RPSA2: variants seen among roughly 807,000 people sequenced by gnomAD.
The protein encoded by RPSA2 is ribosomal protein SA 2.
At chr19:23,787,946 G>A in the RPSA2 span, among the ~76,000 whole-genome samples, 4 of 152,134 alleles carry the variant, frequency 2.6e-5, no homozygotes, top group African/African-American at 9.7e-5. Flanking sequence ...CGTTTTGTCC[G>A]TAGGTTAGAT....
chr19:23,840,962 C>CA, the RPSA2 span, among the ~76,000 whole-genome samples: 180 of 117,696 alleles, frequency 1.5e-3, no homozygotes, highest in African/African-American at 5.7e-3. Flanking sequence ...AACTCCGTCT[C>CA]AAAAAAAAAA....
At chr19:23,858,233 C>T in the RPSA2 span, among the ~76,000 whole-genome samples, 1 of 128,172 alleles carries the variant, frequency 7.8e-6, no homozygotes, top group African/African-American at 3.1e-5. Flanking sequence ...AGCCAGCACA[C>T]CTGACCTGAA....
At chr19:23,855,350 G>C in the RPSA2 span, among the ~76,000 whole-genome samples, 1 of 152,168 alleles carries the variant, frequency 6.6e-6, no homozygotes, top group Non-Finnish European at 1.5e-5. Flanking sequence ...AATGACCTCA[G>C]TACAAAGAGT....
At chr19:23,766,596 A>G in the RPSA2 span, among the ~76,000 whole-genome samples, 31 of 150,982 alleles carry the variant, frequency 2.1e-4, no homozygotes, top group Non-Finnish European at 4.3e-4. Context: ...CTGGGACTAC[A>G]GGCGCCCACC....
At chr19:23,853,247 C>T in the RPSA2 span, among the ~76,000 whole-genome samples, 7 of 152,348 alleles carry the variant, frequency 4.6e-5, no homozygotes, top group East Asian at 1.2e-3. Context: ...CTATGAGAGG[C>T]CAATTCTTAG....
the RPSA2 span, among the ~76,000 whole-genome samples, chr19:23,779,342 C>T: frequency 6.6e-6 from 1 of 152,260 alleles, no homozygotes; most frequent in African/African-American, 2.4e-5. Flanking sequence ...TAAGACTCTT[C>T]TCCATTGCTT....
At chr19:23,763,420 A>T in the RPSA2 span, among the ~76,000 whole-genome samples, 4 of 152,180 alleles carry the variant, frequency 2.6e-5, no homozygotes, top group Non-Finnish European at 4.4e-5. Flanking sequence ...TAAGAGCAGA[A>T]TCCCGACCCG....
the RPSA2 span, among the ~76,000 whole-genome samples, chr19:23,866,765 G>T: frequency 8.5e-5 from 13 of 152,162 alleles, no homozygotes; most frequent in Non-Finnish European, 1.6e-4. Flanking sequence ...GGAAGTGCAG[G>T]ATTAGATATC....
chr19:23,827,650 C>A, the RPSA2 span: 3 of 1,595,766 alleles, frequency 1.9e-6, no homozygotes, highest in Middle Eastern at 1.8e-4. Flanking sequence ...CCATCCCATG[C>A]AACAACAAGG....
chr19:23,839,602 T>A, the RPSA2 span, among the ~76,000 whole-genome samples: 1 of 152,240 alleles, frequency 6.6e-6, no homozygotes, highest in East Asian at 1.9e-4. Flanking sequence ...GAGTCACGCC[T>A]TCCCTGAGTT....
the RPSA2 span, among the ~76,000 whole-genome samples, chr19:23,779,845 C>T: frequency 6.6e-6 from 1 of 152,198 alleles, no homozygotes; most frequent in Non-Finnish European, 1.5e-5. Flanking sequence ...TGATGTGTCT[C>T]TTCTGAATGT....
the RPSA2 span, among the ~76,000 whole-genome samples, chr19:23,800,027 C>CTTTTTTTTTT: frequency 9.0e-6 from 1 of 110,946 alleles, no homozygotes. Flanking sequence ...TTTTCTTTTT[C>CTTTTTTTTTT]TTTTTTTTTT....
At chr19:23,839,236 G>C in the RPSA2 span, among the ~76,000 whole-genome samples, 566 of 152,264 alleles carry the variant, frequency 3.7e-3, 4 homozygotes, top group African/African-American at 0.013. Context: ...CCATGTATTT[G>C]CATGGTTTTG....
the RPSA2 span, among the ~76,000 whole-genome samples, chr19:23,846,344 G>C: frequency 2.0e-5 from 3 of 151,748 alleles, no homozygotes; most frequent in South Asian, 4.2e-4. Flanking sequence ...CTTTGTTACT[G>C]TCATAATGTT....
chr19:23,809,317 TC>T, the RPSA2 span: 1 of 152,310 alleles, frequency 6.6e-6, no homozygotes, highest in African/African-American at 2.4e-5. Context: ...TCTGCTTTGT[TC>T]TTTTTTCTTA....
At chr19:23,849,097 T>C in the RPSA2 span, among the ~76,000 whole-genome samples, 7 of 152,358 alleles carry the variant, frequency 4.6e-5, no homozygotes, top group East Asian at 1.9e-4. Flanking sequence ...TGGGAGTTAA[T>C]ACAAGTGTAT....
the RPSA2 span, among the ~76,000 whole-genome samples, chr19:23,811,357 C>T: frequency 6.6e-6 from 1 of 152,066 alleles, no homozygotes; most frequent in Non-Finnish European, 1.5e-5. Context: ...TTACATAACC[C>T]AGGCAAGTTT....
chr19:23,839,202 A>G, the RPSA2 span, among the ~76,000 whole-genome samples: 20 of 152,202 alleles, frequency 1.3e-4, no homozygotes, highest in Non-Finnish European at 2.9e-4. Flanking sequence ...CGCAATGCTC[A>G]TTAAGGAGCA....
the RPSA2 span, among the ~76,000 whole-genome samples, chr19:23,761,921 T>TCTCTCTCTCTCGCTCTCTCTCTCTCTC: frequency 1.4e-4 from 11 of 76,142 alleles, 2 homozygotes; most frequent in African/African-American, 3.1e-4. Flanking sequence ...TCTTTCTTTC[T>TCTCTCTCTCTCGCTCTCTCTCTCTCTC]TTTTTTTTTT....
Sources: gnomAD v4.1 joint callset for allele counts (sites outside exome capture counted in the v4.1 genomes callset) on GRCh38, gnomAD v4.1.1 for gene constraint, MANE v1.5 for transcripts, NCBI Gene and HGNC (gene_info 2026-07-23, HGNC 2026-07-21) for gene names.